Variants in TMEM184B observed in about 807,000 individuals in gnomAD.
TMEM184B encodes transmembrane protein 184B.
TMEM184B carries 17 observed loss-of-function variants against 41.8 expected under a neutral mutation model. The ratio of observed to expected loss-of-function variants is 0.41; its 90% CI spans 0.28 to 0.61. The LOEUF (loss-of-function observed/expected upper bound fraction) is 0.61, where lower values mean the gene tolerates loss of function less well. TMEM184B is among the 20% of genes least tolerant of loss of function. The probability of loss-of-function intolerance (pLI) is 0.34; values close to 1 mark genes in which losing one functional copy is unlikely to be tolerated. For missense variants in TMEM184B, 393 were observed against 557.8 expected (o/e 0.70, Z 2.98); for synonymous variants, 240 against 229.5 (o/e 1.05, Z -0.41).
At chr22:38,234,235 C>G (rs986808258) in intron 3 of TMEM184B, among the ~76,000 whole-genome samples, 4 of 152,146 alleles carry the variant, frequency 2.6e-5, no homozygotes, top group African/African-American at 9.7e-5. Flanking sequence ...TTTCCTCTGG[C>G]TCTTTTTCCC....
At chr22:38,242,431 T>C (rs531100021) in intron 3 of TMEM184B, among the ~76,000 whole-genome samples, 75 of 152,026 alleles carry the variant, frequency 4.9e-4, no homozygotes, top group African/African-American at 1.8e-3. Flanking sequence ...TGAGCCAAGA[T>C]TGCACCATTG....
intron 1 of TMEM184B, among the ~76,000 whole-genome samples, chr22:38,261,467 A>G (rs2092367601): frequency 1.3e-5 from 2 of 152,168 alleles, no homozygotes; most frequent in African/African-American, 4.8e-5. Flanking sequence ...AAAATCATCC[A>G]ATCATGTACA....
At chr22:38,237,741 G>A (rs73884670) in intron 3 of TMEM184B, among the ~76,000 whole-genome samples, 5,266 of 152,006 alleles carry the variant, frequency 0.035, 322 homozygotes, top group African/African-American at 0.12. Flanking sequence ...GGGTCTGCGT[G>A]GTACAAGTGA....
At chr22:38,242,439 T>C (rs914161222) in intron 3 of TMEM184B, among the ~76,000 whole-genome samples, 30 of 151,550 alleles carry the variant, frequency 2.0e-4, no homozygotes, top group Admixed American at 1.6e-3. Context: ...GATTGCACCA[T>C]TGCACTCCAG....
chr22:38,228,296 G>A (rs1408110734), intron 5 of TMEM184B, among the ~76,000 whole-genome samples: 3 of 152,250 alleles, frequency 2.0e-5, no homozygotes, highest in Non-Finnish European at 4.4e-5. Context: ...CCTAGCAACA[G>A]GCTGGTGTTT....
chr22:38,251,233 T>TGG (rs2092156061), intron 1 of TMEM184B, among the ~76,000 whole-genome samples: 1 of 152,180 alleles, frequency 6.6e-6, no homozygotes, highest in Non-Finnish European at 1.5e-5. Context: ...AAACAACTTA[T>TGG]TTTACTCTTG....
chr22:38,218,116 T>C (rs2091172813), downstream of TMEM184B, among the ~76,000 whole-genome samples: 1 of 152,230 alleles, frequency 6.6e-6, no homozygotes, highest in South Asian at 2.1e-4. Flanking sequence ...AAGTGGAAAC[T>C]ATCTTCCCCA....
At chr22:38,218,002 G>C (rs1349218621), downstream of TMEM184B, among the ~76,000 whole-genome samples, 2 of 152,064 alleles carry the variant, frequency 1.3e-5, no homozygotes, top group Non-Finnish European at 2.9e-5. Flanking sequence ...AAATTCCCTG[G>C]GCATCCCTTT....
Position 38,220,581 on chromosome 22 carries a change from C to T in TMEM184B, c.*888G>A, listed in dbSNP as rs891859430. The stretch of plus-strand genomic sequence containing the variant: ...GGAGACTCAGACCTTTCCCCTGAAA[C>T]GGGAGGGAGAAGCCCCAAAGAGAGA... On this transcript the variant is annotated 3_prime_UTR_variant, in exon 9 of 9. Transcript: ENST00000361906. 5.8e-5 allele frequency: 57 copies of T among 985,836 alleles called. No homozygotes were observed. The highest frequency in any genetic ancestry group is 2.3e-4 in the African/African-American group (13 of 57,232). The allele number at this position is 985,836 out of a possible 1,614,324, so 61.1% of individuals were successfully genotyped here.
chr22:38,255,936 A>G (rs2092270532), intron 1 of TMEM184B, among the ~76,000 whole-genome samples: 1 of 152,210 alleles, frequency 6.6e-6, no homozygotes, highest in Non-Finnish European at 1.5e-5. Context: ...AGGTGATGAA[A>G]CAGTTTGTAT....
chr22:38,272,849 T>G, intron 1 of TMEM184B, 35 bp downstream of exon 1: 2 of 968,178 alleles, frequency 2.1e-6, no homozygotes, highest in Non-Finnish European at 2.4e-6. Flanking sequence ...AGCTCCCCCT[T>G]GGGGCTCCCG....
At chr22:38,235,525 C>T (rs1427697306) in intron 3 of TMEM184B, among the ~76,000 whole-genome samples, 1 of 152,274 alleles carries the variant, frequency 6.6e-6, no homozygotes, top group Non-Finnish European at 1.5e-5. Flanking sequence ...GTTCAAGATT[C>T]TTGACCTTTT....
chr22:38,245,806 G>A (rs996917276), intron 3 of TMEM184B, 129 bp downstream of exon 3: 2 of 976,552 alleles, frequency 2.0e-6, no homozygotes, highest in African/African-American at 1.6e-5. Flanking sequence ...CAGAAACCCT[G>A]TAGTAGGTAA....
At chr22:38,270,502 T>G (rs1002581355) in intron 1 of TMEM184B, among the ~76,000 whole-genome samples, 6 of 152,216 alleles carry the variant, frequency 3.9e-5, no homozygotes, top group African/African-American at 1.4e-4. Context: ...CCACCACAAG[T>G]AGGGCACTGT....
intron 1 of TMEM184B, among the ~76,000 whole-genome samples, chr22:38,259,085 G>GC (rs1441103964): frequency 1.3e-5 from 2 of 152,076 alleles, no homozygotes; most frequent in South Asian, 2.1e-4. Context: ...CTTCCGGCTG[G>GC]CCCCCCATCA....
chr22:38,231,418 G>T, intron 3 of TMEM184B, 84 bp from the exon 4 acceptor site: 1 of 1,123,726 alleles, frequency 8.9e-7, no homozygotes, highest in Non-Finnish European at 1.4e-6. Context: ...CAATGGAGGT[G>T]AAAGAGCCAC....
rs563886012 is a variant in TMEM184B, at chr22:38,225,249, T to C, written c.787+175A>G. On this transcript the variant is annotated intron_variant, in intron 7 of 8. Coordinates refer to ENST00000361906, the MANE Select transcript of TMEM184B (RefSeq NM_012264.5). The surrounding 1 kb of genome is among the most constrained non-coding windows in gnomAD (Gnocchi z 4.4). Reference sequence around the variant, plus strand: ...GTAGCGGCCCCACCAAAGCTCTCCCTAGCCCCTGGGAAAGGCCCTCGAGGG... The same window carrying C: ...GTAGCGGCCCCACCAAAGCTCTCCCCAGCCCCTGGGAAAGGCCCTCGAGGG... 1.3e-5 allele frequency among the ~76,000 whole-genome samples: 2 copies of C among 152,216 alleles called. No individual in the cohort carries two copies. The highest frequency in any genetic ancestry group is 4.2e-4 in the South Asian group (2 of 4,814).
rs373462983 is a variant in TMEM184B, at chr22:38,227,440, T to C, written c.526-570A>G. Among the ~76,000 whole-genome samples, 29 of 152,176 alleles carry C rather than the reference T, an allele frequency of 1.9e-4. No homozygotes were observed. The East Asian group carries it at 5.4e-3, about 28-fold the overall frequency. On this transcript the variant is annotated intron_variant, in intron 5 of 8. Transcript: ENST00000361906. The stretch of plus-strand genomic sequence containing the variant: ...GAGACCTTGGTGCCCGGGGCAAGGC[T>C]AGGGCCCTGCTCAAGGAACCAGCCA...
rs531751107 is a variant in TMEM184B, at chr22:38,225,816, C to T, written c.618-223G>A. Among the ~76,000 whole-genome samples, 8 of 152,282 alleles carry T rather than the reference C, an allele frequency of 5.3e-5. No individual in the cohort carries two copies. The South Asian group carries it at 1.0e-3, about 20-fold the overall frequency. On this transcript the variant is annotated intron_variant, in intron 6 of 8. Transcript: ENST00000361906. The surrounding 1 kb of genome is among the most constrained non-coding windows in gnomAD (Gnocchi z 4.4). ...CCAGCTCTACTGCCTCTGCGTGGCTCGTGGACTTGTCTAAGCCCTGGTGCC... is the reference window on the plus strand; with the variant it reads ...CCAGCTCTACTGCCTCTGCGTGGCTTGTGGACTTGTCTAAGCCCTGGTGCC...
Sources: gnomAD v4.1 joint callset for allele counts (sites outside exome capture counted in the v4.1 genomes callset) on GRCh38, gnomAD v4.1.1 for gene constraint, Gnocchi (gnomAD v3.1) non-coding constraint, MANE v1.5 for transcripts, NCBI Gene and HGNC (gene_info 2026-07-23, HGNC 2026-07-21) for gene names.